WDR76: variants seen among roughly 807,000 people sequenced by gnomAD.
The protein encoded by WDR76 is WD repeat-containing protein 76.
In WDR76, 52 loss-of-function variants were observed where a neutral mutation model predicts 70.2. That is an observed-to-expected ratio of 0.74 (90% confidence interval 0.59 to 0.93). The LOEUF is 0.93. Ranked by LOEUF, WDR76 falls within the 40% of genes least tolerant of loss-of-function variation. The pLI is 0.00. For missense variants in WDR76, 756 were observed against 760.2 expected (o/e 0.99, Z 0.07); for synonymous variants, 292 against 271.1 (o/e 1.08, Z -0.76).
chr15:43,853,291 C>T (rs886192118), intron 9 of WDR76, among the ~76,000 whole-genome samples: 3 of 151,776 alleles, frequency 2.0e-5, no homozygotes, highest in South Asian at 4.2e-4. Context: ...CCCAGGCTCA[C>T]GTGATCCTCC....
rs1016861048 is a variant in WDR76, at chr15:43,855,018, C to A, written c.1192-1928C>A. On this transcript the variant is annotated intron_variant, in intron 9 of 12. Transcript: ENST00000263795. ...CGTCATGACCTTTTGTAGTCATTCT[C>A]CTCCCATTGCCTGCAATCCCTGGCA... is the stretch of plus-strand genomic sequence containing the variant. Among the ~76,000 whole-genome samples, 3 of 151,906 alleles carry A rather than the reference C, an allele frequency of 2.0e-5. No individual in the cohort carries two copies. The East Asian group carries it at 5.8e-4, about 29-fold the overall frequency.
At chr15:43,839,765 A>G in intron 5 of WDR76, 37 bp downstream of exon 5, 1 of 1,540,248 alleles carries the variant, frequency 6.5e-7, no homozygotes, top group Non-Finnish European at 8.7e-7. Context: ...TTAATGTAAT[A>G]AAATACTGAA....
chr15:43,852,084 A>G (rs1403638480), intron 9 of WDR76, among the ~76,000 whole-genome samples: 5 of 152,236 alleles, frequency 3.3e-5, no homozygotes, highest in African/African-American at 7.2e-5. Flanking sequence ...GACATCTTCT[A>G]CTTAATGTTT....
chr15:43,841,020 C>CT (rs893078350), intron 5 of WDR76, among the ~76,000 whole-genome samples: 84 of 144,566 alleles, frequency 5.8e-4, no homozygotes, highest in East Asian at 3.6e-3. Context: ...TTTGGTATTT[C>CT]TTTTTTTTTT....
intron 2 of WDR76, among the ~76,000 whole-genome samples, chr15:43,828,709 A>G (rs974045244): frequency 1.3e-5 from 2 of 152,124 alleles, no homozygotes; most frequent in African/African-American, 4.8e-5. Context: ...ATCAGAAGTC[A>G]TCAGTTTGTG....
At chr15:43,845,418 C>T (rs2087776431) in intron 8 of WDR76, among the ~76,000 whole-genome samples, 1 of 149,974 alleles carries the variant, frequency 6.7e-6, no homozygotes, top group Non-Finnish European at 1.5e-5. Context: ...AAAAGAAACC[C>T]AGGAGAGACC....
At chr15:43,854,192 C>T (rs190911382) in intron 9 of WDR76, among the ~76,000 whole-genome samples, 1 of 152,168 alleles carries the variant, frequency 6.6e-6, no homozygotes, top group Non-Finnish European at 1.5e-5. Context: ...AATATCCCTC[C>T]TAGGTATACA....
chr15:43,849,787 C>T (rs2087833735), intron 8 of WDR76, among the ~76,000 whole-genome samples: 1 of 152,156 alleles, frequency 6.6e-6, no homozygotes, highest in Non-Finnish European at 1.5e-5. Context: ...CCACCCACCT[C>T]AGCCTCCCAA....
At chr15:43,857,646 C>G (rs973198780) in intron 10 of WDR76, 4 of 402,256 alleles carry the variant, frequency 9.9e-6, no homozygotes, top group Non-Finnish European at 1.3e-5. Flanking sequence ...ATGGTGAGAC[C>G]CTGTCTCTAC....
rs748958193 is a variant in WDR76, at chr15:43,856,946, G to A, written c.1192G>A (p.Val398Met). The change falls in exon 10 of 13, where the codon GTG becomes ATG. Residue 398 changes from valine to methionine, a missense_variant and splice_region_variant. Val to Met is a conservative substitution (Grantham distance 21). Coordinates refer to ENST00000263795, the MANE Select transcript of WDR76 (RefSeq NM_024908.4). ...AGCTGATTGTTACTTATATTCTTAG[G>A]TGTATAGAAATGAAAGAAGTAGCTT... The part of the protein sequence containing the change: ...GDFSRAIFEE[V>M]YRNERSSFSS... 12 of 1,612,620 alleles carry A rather than the reference G, an allele frequency of 7.4e-6. No homozygotes were observed. In the East Asian group the frequency reaches 2.5e-4, roughly 33 times the overall value.
intron 4 of WDR76, among the ~76,000 whole-genome samples, chr15:43,838,530 A>G (rs1189315881): frequency 3.3e-5 from 5 of 152,160 alleles, no homozygotes; most frequent in Non-Finnish European, 5.9e-5. Flanking sequence ...CTTAAACACT[A>G]TATTGTTTAG....
chr15:43,856,988 T>C lies in WDR76; in HGVS notation c.1234T>C (p.Leu412=), dbSNP rs765510293. Residue 412 remains leucine (L), a synonymous_variant, in exon 10 of 13, where the codon TTG becomes CTG. Transcript: ENST00000263795. ...ERSSFSSFDF[L]AEDASTLIVG... Reference sequence around the variant, plus strand: ...AAGTAGCTTTTCCTCCTTCGACTTCTTGGCAGAAGATGCCTCCACTTTAAT... The same window carrying C: ...AAGTAGCTTTTCCTCCTTCGACTTCCTGGCAGAAGATGCCTCCACTTTAAT... 4.3e-6 allele frequency: 7 copies of C among 1,614,140 alleles called. No homozygotes were observed. In the South Asian group the frequency reaches 7.7e-5, roughly 18 times the overall value.
intron 11 of WDR76, among the ~76,000 whole-genome samples, chr15:43,860,503 T>C (rs988003438): frequency 7.2e-5 from 11 of 152,206 alleles, no homozygotes; most frequent in African/African-American, 2.7e-4. Flanking sequence ...GATGTTTTTT[T>C]AGAGACAGTA....
chr15:43,852,687 C>G (rs983417179), intron 9 of WDR76, among the ~76,000 whole-genome samples: 1 of 152,022 alleles, frequency 6.6e-6, no homozygotes, highest in Non-Finnish European at 1.5e-5. Flanking sequence ...CTCTTCTGGA[C>G]ATTTCATATA....
chr15:43,827,151 TG>T, intron 1 of WDR76, 59 bp downstream of exon 1: 1 of 1,612,422 alleles, frequency 6.2e-7, no homozygotes, highest in Admixed American at 1.7e-5. Context: ...GTGAGGGTTA[TG>T]CGGGACACAG....
In WDR76 at chr15:43,866,679, T is replaced by TGC. The variant is rs2088076667; in HGVS notation, c.*288_*289dup. Reference sequence around the variant, plus strand: ...TTTGCTCTTGTTGCCCAGGCTGGAGTGCAATAGCGCGATCTTGGCTCACCG... The same window carrying TGC: ...TTTGCTCTTGTTGCCCAGGCTGGAGTGCGCAATAGCGCGATCTTGGCTCACCG... On this transcript the variant is annotated 3_prime_UTR_variant, in exon 13 of 13. Transcript: ENST00000263795. The TGC allele has an allele frequency of 3.3e-6, 1 of 304,468 alleles. No individual in the cohort carries two copies. Among genetic ancestry groups the TGC allele is most frequent in the Admixed American group, 5.2e-5 (1 of 19,374 alleles). 18.9% of individuals were successfully genotyped at this position (304,468 alleles called of 1,614,324 possible).
At chr15:43,844,847 G>A (rs1465904721) in intron 8 of WDR76, among the ~76,000 whole-genome samples, 2 of 127,074 alleles carry the variant, frequency 1.6e-5, no homozygotes, top group East Asian at 2.9e-4. Context: ...AGAATGGCGT[G>A]AACCTGGGAG....
At chr15:43,842,552 T>G in intron 6 of WDR76, 36 bp downstream of exon 6, 1 of 1,602,286 alleles carries the variant, frequency 6.2e-7, no homozygotes, top group Non-Finnish European at 8.5e-7. Flanking sequence ...TTTAGAATCA[T>G]CTGTTAAGGA....
Position 43,858,761 on chromosome 15 carries a change from C to T in WDR76, c.1500C>T (p.Ser500=), listed in dbSNP as rs753209816. 49 of 1,613,990 alleles carry T rather than the reference C, an allele frequency of 3.0e-5. No homozygotes were observed. Among genetic ancestry groups the T allele is most frequent in the African/African-American group, 1.3e-4 (10 of 74,890 alleles). Residue 500 remains serine, a synonymous_variant, in exon 11 of 13, where the codon TCC becomes TCT. Transcript: ENST00000263795. ...CTGAACATACAAAGAGCATTGCTTC[C>T]GCCTATTTTTCACCTCTTACTGGTA... ...SLTEHTKSIA[S]AYFSPLTGNR...
Sources: gnomAD v4.1 joint callset for allele counts (sites outside exome capture counted in the v4.1 genomes callset) on GRCh38, gnomAD v4.1.1 for gene constraint, MANE v1.5 for transcripts, NCBI Gene and HGNC (gene_info 2026-07-23, HGNC 2026-07-21) for gene names.